The following SESN1 variants were observed in gnomAD, a reference collection of about 807,000 sequenced individuals.
SESN1 encodes the protein sestrin 1, also known as sestrin-1.
A neutral mutation model predicts 59.3 loss-of-function variants in SESN1; 30 were observed. The ratio of observed to expected loss-of-function variants is 0.51; its 90% CI spans 0.38 to 0.69. The LOEUF is 0.69. Among genes scored for constraint, SESN1 ranks in the 30% least tolerant of loss-of-function variants. The pLI, the probability that SESN1 is intolerant of heterozygous loss-of-function variation, is 0.00. For synonymous variants in SESN1, 197 were observed against 219.9 expected, an observed-to-expected ratio of 0.90 and a Z score of 0.92; for missense variants, 566 against 673.0, an observed-to-expected ratio of 0.84 and a Z score of 1.76.
chr6:109,006,470 C>G (rs564396009), intron 1 of SESN1, among the ~76,000 whole-genome samples: 3 of 141,802 alleles, frequency 2.1e-5, no homozygotes, highest in Non-Finnish European at 4.6e-5. Context: ...CACGACAGGC[C>G]CCGGTGTGTG....
chr6:109,084,380 G>C (rs938253397), intron 1 of SESN1, among the ~76,000 whole-genome samples: 5 of 152,080 alleles, frequency 3.3e-5, no homozygotes, highest in African/African-American at 1.2e-4. Flanking sequence ...GGCCAACATG[G>C]TGAAACCCCA....
intron 1 of SESN1, among the ~76,000 whole-genome samples, chr6:109,022,354 G>A (rs1003957454): frequency 7.7e-5 from 11 of 143,718 alleles, no homozygotes; most frequent in East Asian, 4.5e-4. Context: ...TACTAGTTTC[G>A]ATTTGATATT....
chr6:109,069,650 T>C (rs1780896886), intron 1 of SESN1, among the ~76,000 whole-genome samples: 1 of 152,008 alleles, frequency 6.6e-6, no homozygotes, highest in Non-Finnish European at 1.5e-5. Context: ...CAAGTGATCC[T>C]CCCACCTCAG....
chr6:109,039,089 G>A lies in SESN1; in HGVS notation c.280-36746C>T, dbSNP rs538483110. ...AGGAGGAAGAAAGGAGGGAGGAAAA[G>A]GAGAAGGAGGGAGGAGAAGGAGAAG... On this transcript the variant is annotated intron_variant, in intron 1 of 9. Coordinates refer to ENST00000436639, the MANE Select transcript of SESN1 (RefSeq NM_014454.3). Among the ~76,000 whole-genome samples, 152 of 149,536 alleles carry A rather than the reference G, an allele frequency of 1.0e-3. 1 individual carries two copies. The highest frequency in any genetic ancestry group is 3.6e-3 in the African/African-American group (148 of 40,564).
chr6:109,020,573 AG>A lies in SESN1; in HGVS notation c.280-18231del, dbSNP rs555692136. On this transcript the variant is annotated intron_variant, in intron 1 of 9. Coordinates refer to ENST00000436639, the MANE Select transcript of SESN1 (RefSeq NM_014454.3). ...ATCAAGCAAACTGAACAAATTGCAC[AG>A]TGCAATTCTATACAATTTTTTCCTC... Among the ~76,000 whole-genome samples the A allele has an allele frequency of 4.2e-3, 638 of 152,310 alleles. 2 individuals carry two copies. Among genetic ancestry groups the A allele is most frequent in the Non-Finnish European group, 6.8e-3 (465 of 68,022 alleles).
intron 1 of SESN1, among the ~76,000 whole-genome samples, chr6:109,007,782 G>A (rs964427142): frequency 7.6e-6 from 1 of 131,268 alleles, no homozygotes; most frequent in African/African-American, 3.0e-5. Flanking sequence ...GAAAGTCCAG[G>A]TACTTTTTTT....
chr6:109,059,993 C>T (rs1202886652), intron 1 of SESN1, among the ~76,000 whole-genome samples: 1 of 152,072 alleles, frequency 6.6e-6, no homozygotes, highest in East Asian at 1.9e-4. Flanking sequence ...ATTCTTTGAC[C>T]TACTTTAGTT....
At chr6:109,063,113 CCTGT>C (rs1392294587) in intron 1 of SESN1, among the ~76,000 whole-genome samples, 1 of 152,106 alleles carries the variant, frequency 6.6e-6, no homozygotes, top group East Asian at 1.9e-4. Context: ...TGGTCACTGC[CCTGT>C]CTGAGTCCCA....
At position 109,023,453 on chromosome 6, in the gene SESN1, G is replaced by GT. The variant is rs1179741797; in HGVS notation, c.280-21111dup. Among the ~76,000 whole-genome samples, 10 of 151,890 alleles carry GT rather than the reference G, an allele frequency of 6.6e-5. No homozygotes were observed. In the Admixed American group the frequency reaches 6.6e-4, roughly 10 times the overall value. On this transcript the variant is annotated intron_variant, in intron 1 of 9. Coordinates refer to ENST00000436639, the MANE Select transcript of SESN1 (RefSeq NM_014454.3). ...TAACCTCCAAAATATGATCCACTATGTTTTTTTGATACTTTTATAAATAAT... is the reference window on the plus strand; with the variant it reads ...TAACCTCCAAAATATGATCCACTATGTTTTTTTTGATACTTTTATAAATAAT...
At position 109,002,305 on chromosome 6, in the gene SESN1, T is replaced by C. The variant is rs1779642994; in HGVS notation, c.318A>G (p.Gly106=). ...GIRIPRPLGQ[G]PSRFIPEKEI... ...CCTTTTCTGGGATGAATCTGCTTGG[T>C]CCCTGTCCTAGTGGTCGAGGAATTC... The change falls in exon 2 of 10, where the codon GGA becomes GGG. Residue 106 remains glycine (G), a synonymous_variant. Transcript: ENST00000436639. 6.2e-7 allele frequency: 1 copy of C among 1,613,300 alleles called. No homozygotes were observed. The highest frequency in any genetic ancestry group is 8.5e-7 in the Non-Finnish European group (1 of 1,179,476).
rs138516156 is a variant in SESN1 at position 109,024,889 on chromosome 6, T to A, written c.280-22546A>T. Among the ~76,000 whole-genome samples the A allele has an allele frequency of 4.9e-4, 75 of 152,338 alleles. 4 individuals carry two copies. The East Asian group carries it at 0.014, about 29-fold the overall frequency. On this transcript the variant is annotated intron_variant, in intron 1 of 9. Coordinates refer to ENST00000436639, the MANE Select transcript of SESN1 (RefSeq NM_014454.3). ...GTCAAACAATTGTTAAGTGGAACTA[T>A]CACAAATTGGAGACCTGTGTGTAAG...
chr6:108,997,899 GCT>G (rs1323762984), intron 5 of SESN1, among the ~76,000 whole-genome samples: 1 of 152,092 alleles, frequency 6.6e-6, no homozygotes, highest in African/African-American at 2.4e-5. Context: ...AACTGAACTT[GCT>G]CTGTTTCAAA....
intron 1 of SESN1, among the ~76,000 whole-genome samples, chr6:109,053,131 T>C (rs1199888738): frequency 2.0e-5 from 3 of 152,108 alleles, no homozygotes; most frequent in Non-Finnish European, 2.9e-5. Context: ...TTGTCTAACA[T>C]TTAAGAAGTA....
At chr6:109,072,100 C>A (rs893969180) in intron 1 of SESN1, among the ~76,000 whole-genome samples, 14 of 152,312 alleles carry the variant, frequency 9.2e-5, no homozygotes, top group African/African-American at 3.1e-4. Context: ...AAACTTTCTT[C>A]TCCCTGGTGA....
chr6:109,007,478 T>TTG (rs769390935), intron 1 of SESN1, among the ~76,000 whole-genome samples: 39 of 152,224 alleles, frequency 2.6e-4, no homozygotes, highest in Non-Finnish European at 5.3e-4. Context: ...ACTATTACTG[T>TTG]TGTGATTATC....
intron 6 of SESN1, among the ~76,000 whole-genome samples, chr6:108,993,273 GATT>G (rs1056297404): frequency 1.1e-4 from 17 of 150,570 alleles, no homozygotes; most frequent in Non-Finnish European, 2.4e-4. Flanking sequence ...TTAGCACTTA[GATT>G]ATTTTTGTTG....
chr6:109,093,568 T>C (rs752651443), intron 1 of SESN1, among the ~76,000 whole-genome samples: 25 of 152,204 alleles, frequency 1.6e-4, no homozygotes, highest in Non-Finnish European at 3.1e-4. Flanking sequence ...AAAACAAGTA[T>C]TTACTTGGAA....
intron 4 of SESN1, among the ~76,000 whole-genome samples, chr6:108,999,649 A>G (rs963597619): frequency 1.3e-5 from 2 of 152,204 alleles, no homozygotes; most frequent in East Asian, 1.9e-4. Flanking sequence ...ATGTGGGACA[A>G]CAGGAATGCT....
intron 1 of SESN1, among the ~76,000 whole-genome samples, chr6:109,059,096 T>TACACACACACACAC (rs373238799): frequency 1.1e-4 from 17 of 149,818 alleles, no homozygotes; most frequent in African/African-American, 3.9e-4. Context: ...TATCACTTCA[T>TACACACACACACAC]ACACACACAC....
Sources: gnomAD v4.1 joint callset for allele counts (sites outside exome capture counted in the v4.1 genomes callset) on GRCh38, gnomAD v4.1.1 for gene constraint, MANE v1.5 for transcripts, NCBI Gene and HGNC (gene_info 2026-07-23, HGNC 2026-07-21) for gene names.